The following MRPS9 variants were observed in gnomAD, a reference collection of about 807,000 sequenced individuals.
MRPS9 encodes the protein mitochondrial ribosomal protein S9, also known as small ribosomal subunit protein uS9m.
A neutral mutation model predicts 59.9 loss-of-function variants in MRPS9; 45 were observed. The observed-to-expected ratio is 0.75, with a 90% confidence interval of 0.59 to 0.96. The LOEUF (loss-of-function observed/expected upper bound fraction) is 0.96. MRPS9 is among the 40% of genes least tolerant of loss of function. The pLI is 0.00. For synonymous variants in MRPS9, 171 were observed against 166.8 expected, an observed-to-expected ratio of 1.03 and a Z score of -0.19; for missense variants, 473 against 481.1, an observed-to-expected ratio of 0.98 and a Z score of 0.16.
At chr2:105,054,149 C>T (rs915716844) in intron 2 of MRPS9, among the ~76,000 whole-genome samples, 2 of 152,122 alleles carry the variant, frequency 1.3e-5, no homozygotes, top group Admixed American at 6.6e-5. Flanking sequence ...ACTTGATTTT[C>T]TTATCTCTAA....
At chr2:105,092,203 A>T in intron 7 of MRPS9, 198 bp from the exon 8 acceptor site, 1 of 434,660 alleles carries the variant, frequency 2.3e-6, no homozygotes, top group South Asian at 6.5e-5. Flanking sequence ...TTGAAAGAAA[A>T]GATTTGGCAC....
intron 5 of MRPS9, among the ~76,000 whole-genome samples, chr2:105,084,481 A>G (rs1680410743): frequency 6.6e-6 from 1 of 152,112 alleles, no homozygotes; most frequent in Admixed American, 6.5e-5. Flanking sequence ...CTGCTTCATT[A>G]TGTGAAGATT....
chr2:105,062,254 G>A (rs965438106), intron 2 of MRPS9, among the ~76,000 whole-genome samples: 2 of 152,078 alleles, frequency 1.3e-5, no homozygotes, highest in African/African-American at 4.8e-5. Flanking sequence ...ATGAAATAGG[G>A]TATCTAAACC....
At chr2:105,056,520 C>T (rs1409931088) in intron 2 of MRPS9, among the ~76,000 whole-genome samples, 1 of 152,152 alleles carries the variant, frequency 6.6e-6, no homozygotes, top group Non-Finnish European at 1.5e-5. Context: ...GTCTTCCAAC[C>T]TTCTGGCATA....
At chr2:105,060,839 C>T (rs1679886646) in intron 2 of MRPS9, among the ~76,000 whole-genome samples, 1 of 151,556 alleles carries the variant, frequency 6.6e-6, no homozygotes, top group South Asian at 2.1e-4. Flanking sequence ...GTGCCGGGTG[C>T]GGTGGCTCAC....
intron 4 of MRPS9, among the ~76,000 whole-genome samples, chr2:105,073,628 G>T (rs1680155631): frequency 1.3e-5 from 2 of 152,088 alleles, no homozygotes; most frequent in African/African-American, 4.8e-5. Context: ...ATGAAATCTT[G>T]CTCTGTATGT....
intron 4 of MRPS9, among the ~76,000 whole-genome samples, chr2:105,078,141 C>CT (rs11421327): frequency 0.061 from 7,698 of 127,066 alleles, 787 homozygotes; most frequent in African/African-American, 0.2. Flanking sequence ...AATTCTAAGA[C>CT]TTTTTTTTTT....
At chr2:105,045,199 C>A (rs1418069548) in intron 1 of MRPS9, among the ~76,000 whole-genome samples, 1 of 151,902 alleles carries the variant, frequency 6.6e-6, no homozygotes, top group Admixed American at 6.6e-5. Context: ...AGTAAGAATT[C>A]ATTGGATATT....
At chr2:105,076,885 G>A (rs779299084) in intron 4 of MRPS9, among the ~76,000 whole-genome samples, 1 of 130,950 alleles carries the variant, frequency 7.6e-6, no homozygotes, top group Non-Finnish European at 1.6e-5. Context: ...ATGAGCAAAG[G>A]CAAATAAGCA....
At chr2:105,055,939 A>G (rs1441696951) in intron 2 of MRPS9, among the ~76,000 whole-genome samples, 1 of 152,214 alleles carries the variant, frequency 6.6e-6, no homozygotes, top group Non-Finnish European at 1.5e-5. Context: ...TGGTTTTAAA[A>G]TGTTTGGCTT....
At chr2:105,080,832 G>GA (rs2104460855) in intron 5 of MRPS9, among the ~76,000 whole-genome samples, 1 of 151,974 alleles carries the variant, frequency 6.6e-6, no homozygotes, top group African/African-American at 2.4e-5. Context: ...CTGCTTTTTA[G>GA]AATTATCTGC....
chr2:105,083,858 C>T (rs1018194041), intron 5 of MRPS9, among the ~76,000 whole-genome samples: 1 of 152,130 alleles, frequency 6.6e-6, no homozygotes, highest in African/African-American at 2.4e-5. Flanking sequence ...TAGAACACTT[C>T]CTACTCCAAA....
intron 7 of MRPS9, 92 bp downstream of exon 7, chr2:105,090,087 GAGGC>G: frequency 1.6e-6 from 1 of 609,716 alleles, no homozygotes; most frequent in South Asian, 3.2e-5. Flanking sequence ...ATGTTCCTCA[GAGGC>G]AGGTGTTCCT....
At chr2:105,092,916 A>G (rs1324977640) in intron 8 of MRPS9, among the ~76,000 whole-genome samples, 4 of 152,218 alleles carry the variant, frequency 2.6e-5, no homozygotes, top group South Asian at 4.1e-4. Context: ...TGCTCAATGA[A>G]TCTGCATATC....
chr2:105,099,841 C>G lies in MRPS9; in HGVS notation c.*80C>G. On this transcript the variant is annotated 3_prime_UTR_variant, in exon 11 of 11. Transcript: ENST00000258455. ...CAGACACACAGTAAATAATGGCTGA[C>G]CAGCATGAGGGCAGTACTGTCAGAA... The G allele has an allele frequency of 7.9e-7, 1 of 1,273,714 alleles. No individual in the cohort carries two copies. The highest frequency in any genetic ancestry group is 1.1e-6 in the Non-Finnish European group (1 of 887,898). The allele number at this position is 1,273,714 out of a possible 1,614,324, so 78.9% of individuals were successfully genotyped here.
Position 105,071,531 on chromosome 2 carries a change from C to T in MRPS9, c.409+42C>T, listed in dbSNP as rs201942757. On this transcript the variant is annotated intron_variant, in intron 4 of 10. Transcript: ENST00000258455. ...ATGAGAGAAACAGTTTTTTCTTTACCGTATTCCGGTGTTAGGTTATGTATC... is the reference window on the plus strand; with the variant it reads ...ATGAGAGAAACAGTTTTTTCTTTACTGTATTCCGGTGTTAGGTTATGTATC... 255 of 1,573,864 alleles carry T rather than the reference C, an allele frequency of 1.6e-4. 5 individuals carry two copies. The East Asian group carries it at 2.5e-3, about 16-fold the overall frequency.
chr2:105,059,527 C>G (rs543370395), intron 2 of MRPS9, among the ~76,000 whole-genome samples: 6 of 151,912 alleles, frequency 3.9e-5, no homozygotes, highest in African/African-American at 1.5e-4. Flanking sequence ...ATGGAAAAAC[C>G]ATTAACTGAG....
chr2:105,086,216 A>G (rs1350974770), intron 5 of MRPS9, among the ~76,000 whole-genome samples: 1 of 152,212 alleles, frequency 6.6e-6, no homozygotes, highest in Non-Finnish European at 1.5e-5. Flanking sequence ...AAGTGTATGG[A>G]GTGGCTTAAT....
chr2:105,058,084 C>T (rs750368762), intron 2 of MRPS9, among the ~76,000 whole-genome samples: 1 of 152,100 alleles, frequency 6.6e-6, no homozygotes, highest in Admixed American at 6.5e-5. Context: ...TTGCTGTGCC[C>T]ATTCCATTTG....
Sources: allele counts gnomAD v4.1 joint callset (sites outside exome capture counted in the v4.1 genomes callset), GRCh38; gene constraint gnomAD v4.1.1; transcripts MANE v1.5; gene names NCBI Gene and HGNC (gene_info 2026-07-23, HGNC 2026-07-21).